LMNTD1: variants seen among roughly 807,000 people sequenced by gnomAD.
LMNTD1 encodes the protein lamin tail domain-containing protein 1.
In LMNTD1, 35 loss-of-function variants were observed where a neutral mutation model predicts 50.9. That is an observed-to-expected ratio of 0.69 (90% CI 0.53 to 0.91). LMNTD1 has a LOEUF of 0.91. LMNTD1 is among the 40% of genes least tolerant of loss of function. The pLI is 0.00. For synonymous variants in LMNTD1, 153 were observed against 161.9 expected (o/e 0.94, Z 0.42); for missense variants, 470 against 475.5 (o/e 0.99, Z 0.11).
intron 1 of LMNTD1, among the ~76,000 whole-genome samples, chr12:25,587,999 T>C (rs1355730217): frequency 2.6e-5 from 4 of 152,140 alleles, no homozygotes; most frequent in African/African-American, 9.7e-5. Context: ...TAGTTATAAC[T>C]TGTCAAGCTG....
intron 9 of LMNTD1, among the ~76,000 whole-genome samples, chr12:25,493,398 T>C (rs7302125): frequency 0.26 from 39,689 of 152,046 alleles, 5,355 homozygotes; most frequent in Middle Eastern, 0.34. Context: ...TGTTGAGGGG[T>C]CCTACAAAGG....
chr12:25,531,509 A>G (rs1942222166), intron 4 of LMNTD1, among the ~76,000 whole-genome samples: 1 of 152,110 alleles, frequency 6.6e-6, no homozygotes, highest in Non-Finnish European at 1.5e-5. Flanking sequence ...TGTTTCTTTG[A>G]AGGTAAATGT....
chr12:25,557,048 C>A (rs1301874968), upstream of LMNTD1, among the ~76,000 whole-genome samples: 1 of 152,066 alleles, frequency 6.6e-6, no homozygotes, highest in African/African-American at 2.4e-5. Flanking sequence ...ATGACATGTT[C>A]CATTATCTAA....
rs934543869 is a variant in LMNTD1, at chr12:25,501,222, C to T, written c.*22+2516G>A. ...ACCAGGCTGCCTTTGAACTCCTGAC[C>T]TCAAGTAATCCACCTGCCTAGGCCT... On this transcript the variant is annotated intron_variant, in intron 9 of 9. Coordinates refer to ENST00000458174, the MANE Select transcript of LMNTD1 (RefSeq NM_001145728.2). Among the ~76,000 whole-genome samples, 5 of 152,232 alleles carry T rather than the reference C, an allele frequency of 3.3e-5. No individual in the cohort carries two copies. In the East Asian group the frequency reaches 9.7e-4, roughly 29 times the overall value.
chr12:25,558,513 C>A (rs898517012), intron 1 of LMNTD1, among the ~76,000 whole-genome samples: 4 of 152,110 alleles, frequency 2.6e-5, no homozygotes, highest in African/African-American at 9.7e-5. Flanking sequence ...TTTTTAATTT[C>A]CTCATTGACT....
At chr12:25,494,445 T>G (rs146716030) in intron 9 of LMNTD1, among the ~76,000 whole-genome samples, 287 of 152,280 alleles carry the variant, frequency 1.9e-3, no homozygotes, top group African/African-American at 6.7e-3. Flanking sequence ...GATAATCTTA[T>G]GGCATTGAAT....
At chr12:25,595,049 T>C (rs1408542879) in intron 1 of LMNTD1, among the ~76,000 whole-genome samples, 2 of 152,014 alleles carry the variant, frequency 1.3e-5, no homozygotes, top group African/African-American at 2.4e-5. Flanking sequence ...TAAATATATA[T>C]ATGCATCTAA....
chr12:25,476,571 G>A (rs1353674585), intron 9 of LMNTD1, 111 bp from the exon 10 acceptor site: 1 of 152,144 alleles, frequency 6.6e-6, no homozygotes, highest in Non-Finnish European at 1.5e-5. Flanking sequence ...ATAGTTCTAT[G>A]AGGTACATGT....
intron 1 of LMNTD1, among the ~76,000 whole-genome samples, chr12:25,607,284 C>T (rs1243326517): frequency 1.3e-5 from 2 of 152,122 alleles, no homozygotes; most frequent in South Asian, 2.1e-4. Flanking sequence ...AAAAAACCAG[C>T]TCCTGGATTC....
chr12:25,514,500 A>C (rs1485605333), intron 8 of LMNTD1, among the ~76,000 whole-genome samples: 1 of 151,854 alleles, frequency 6.6e-6, no homozygotes, highest in Non-Finnish European at 1.5e-5. Context: ...TGGTTGCCAG[A>C]GGCTGGGAAG....
Position 25,541,315 on chromosome 12 carries a change from G to A in LMNTD1, c.491+5059C>T, listed in dbSNP as rs897325668. Among the ~76,000 whole-genome samples the A allele has an allele frequency of 7.8e-5, 11 of 141,168 alleles. 1 individual carries two copies. Among genetic ancestry groups the A allele is most frequent in the Non-Finnish European group, 1.2e-4 (8 of 64,154 alleles). The allele number at this position is 141,168 out of a possible 152,430, so 92.6% of individuals were successfully genotyped here. A position where few individuals can be genotyped will look rare whatever the true frequency, so the allele number is the denominator to read the frequency against. ...CAAAGCTGGAGGCATCACACTACCT[G>A]ACTTCAAACTATACTACAAGGCTAC... On this transcript the variant is annotated intron_variant, in intron 4 of 9. Transcript: ENST00000458174.
chr12:25,552,395 G>C (rs1943803438), intron 2 of LMNTD1, among the ~76,000 whole-genome samples: 1 of 151,816 alleles, frequency 6.6e-6, no homozygotes, highest in Non-Finnish European at 1.5e-5. Flanking sequence ...GACGCGGGCA[G>C]ATCACGAGGT....
intron 1 of LMNTD1, among the ~76,000 whole-genome samples, chr12:25,604,039 G>A (rs1207215408): frequency 2.0e-5 from 3 of 152,062 alleles, no homozygotes; most frequent in Non-Finnish European, 2.9e-5. Flanking sequence ...AGAACTGCAT[G>A]ATTAAAAGAG....
At chr12:25,563,018 A>C in intron 1 of LMNTD1, among the ~76,000 whole-genome samples, 1 of 152,148 alleles carries the variant, frequency 6.6e-6, no homozygotes, top group East Asian at 1.9e-4. Flanking sequence ...TACACTGTTT[A>C]TTCCAGTTAT....
At chr12:25,593,037 C>T (rs1466022539) in intron 1 of LMNTD1, 6 of 147,936 alleles carry the variant, frequency 4.1e-5, no homozygotes, top group Non-Finnish European at 6.0e-5. Context: ...GAGAATCTCA[C>T]CCCCCACCCC....
chr12:25,566,538 T>A (rs1323290329), intron 1 of LMNTD1, among the ~76,000 whole-genome samples: 2 of 152,254 alleles, frequency 1.3e-5, no homozygotes, highest in Admixed American at 6.5e-5. Context: ...ATCTCCACAC[T>A]GTTTTCCATA....
chr12:25,616,439 G>T (rs938663334), intron 1 of LMNTD1, among the ~76,000 whole-genome samples: 7 of 152,082 alleles, frequency 4.6e-5, no homozygotes, highest in African/African-American at 1.7e-4. Context: ...ATCCCTAAAG[G>T]TTACATACTG....
chr12:25,536,670 T>C (rs1048350257), intron 4 of LMNTD1, among the ~76,000 whole-genome samples: 16 of 147,580 alleles, frequency 1.1e-4, no homozygotes, highest in Non-Finnish European at 2.4e-4. Flanking sequence ...AAATTTCACC[T>C]TAAAAAATTA....
At chr12:25,493,060 G>A (rs1325045195) in intron 9 of LMNTD1, among the ~76,000 whole-genome samples, 3 of 151,992 alleles carry the variant, frequency 2.0e-5, no homozygotes, top group Non-Finnish European at 4.4e-5. Context: ...CAGCTCCTTG[G>A]CACCTATCTG....
Sources: gnomAD v4.1 joint callset for allele counts (sites outside exome capture counted in the v4.1 genomes callset) on GRCh38, gnomAD v4.1.1 for gene constraint, MANE v1.5 for transcripts, NCBI Gene and HGNC (gene_info 2026-07-23, HGNC 2026-07-21) for gene names.